Variants in BMPR1B observed in about 807,000 individuals in gnomAD.
BMPR1B encodes bone morphogenetic protein receptor type 1B.
BMPR1B carries 12 observed loss-of-function variants against 59.1 expected under a neutral mutation model. The ratio of observed to expected loss-of-function variants is 0.20; its 90% CI spans 0.13 to 0.33. The LOEUF (loss-of-function observed/expected upper bound fraction) is 0.33. Among genes scored for constraint, BMPR1B ranks in the 10% least tolerant of loss-of-function variants. BMPR1B has a pLI of 1.00. For missense variants in BMPR1B, 550 were observed against 610.9 expected (o/e 0.90, Z 1.05); for synonymous variants, 237 against 207.3 (o/e 1.14, Z -1.23).
Position 95,156,377 on chromosome 4 carries a change from C to T in BMPR1B, c.*1704C>T, listed in dbSNP as rs563721806. ...TACTCCAGGGGGCAGTGTTTTATAACACATTTTCCCCACTGGGTGATTGAA... is the reference window on the plus strand; with the variant it reads ...TACTCCAGGGGGCAGTGTTTTATAATACATTTTCCCCACTGGGTGATTGAA... On this transcript the variant is annotated 3_prime_UTR_variant, in exon 13 of 13. Transcript: ENST00000515059. 11 of 149,584 alleles carry T rather than the reference C, an allele frequency of 7.4e-5. No homozygotes were observed. Among genetic ancestry groups the T allele is most frequent in the Admixed American group, 2.0e-4 (3 of 14,978 alleles). 9.3% of individuals were successfully genotyped at this position (149,584 alleles called of 1,614,324 possible). A position where few individuals can be genotyped will look rare whatever the true frequency, so the allele number is the denominator to read the frequency against.
chr4:94,879,363 G>C (rs1726868234), intron 2 of BMPR1B, among the ~76,000 whole-genome samples: 1 of 152,198 alleles, frequency 6.6e-6, no homozygotes, highest in African/African-American at 2.4e-5. Context: ...TTCTTTGGGA[G>C]GTCAAGGCAG....
chr4:94,765,368 G>A (rs1412804307), intron 1 of BMPR1B, among the ~76,000 whole-genome samples: 3 of 152,066 alleles, frequency 2.0e-5, no homozygotes, highest in African/African-American at 7.2e-5. Context: ...CTACATCAAT[G>A]TATGCATTCT....
chr4:94,951,113 A>G (rs1293894770), intron 2 of BMPR1B, among the ~76,000 whole-genome samples: 4 of 152,174 alleles, frequency 2.6e-5, no homozygotes, highest in Admixed American at 6.5e-5. Flanking sequence ...TGATTATTGC[A>G]TATTAATTTT....
At chr4:95,074,616 C>T (rs974519926) in intron 3 of BMPR1B, among the ~76,000 whole-genome samples, 1 of 152,018 alleles carries the variant, frequency 6.6e-6, no homozygotes, top group East Asian at 1.9e-4. Context: ...TCTCTTGGTT[C>T]TAATATGATA....
intron 3 of BMPR1B, among the ~76,000 whole-genome samples, chr4:94,999,915 G>A (rs926134216): frequency 1.3e-5 from 2 of 152,158 alleles, no homozygotes; most frequent in Non-Finnish European, 2.9e-5. Context: ...TAGAAATGTT[G>A]AAAGAGAAGG....
At chr4:94,792,469 A>G (rs1723021308) in intron 1 of BMPR1B, among the ~76,000 whole-genome samples, 2 of 152,006 alleles carry the variant, frequency 1.3e-5, no homozygotes, top group African/African-American at 2.4e-5. Flanking sequence ...TCCAGATTAC[A>G]ACATAACACA....
intron 2 of BMPR1B, among the ~76,000 whole-genome samples, chr4:94,918,071 T>G (rs1444932): frequency 0.14 from 21,100 of 152,022 alleles, 1,672 homozygotes; most frequent in South Asian, 0.19. Flanking sequence ...CTAGAAGCCT[T>G]TCAGATGCCA....
chr4:94,989,618 T>C (rs1299664017), intron 2 of BMPR1B, among the ~76,000 whole-genome samples: 2 of 152,176 alleles, frequency 1.3e-5, no homozygotes, highest in Non-Finnish European at 2.9e-5. Context: ...AATTGAATTT[T>C]TTTCCCAAAG....
At chr4:95,138,762 T>A (rs551014593) in intron 10 of BMPR1B, among the ~76,000 whole-genome samples, 2 of 152,360 alleles carry the variant, frequency 1.3e-5, no homozygotes, top group South Asian at 4.1e-4. Flanking sequence ...CTCCATCAAG[T>A]CATTTAAGAT....
At chr4:94,948,088 G>A (rs1410210403) in intron 2 of BMPR1B, among the ~76,000 whole-genome samples, 1 of 152,202 alleles carries the variant, frequency 6.6e-6, no homozygotes, top group Non-Finnish European at 1.5e-5. Context: ...ATCAGACAGG[G>A]TGGAGACAAG....
rs574305430 is a variant in BMPR1B, at chr4:94,787,804, A to G, written c.-183+29736A>G. On this transcript the variant is annotated intron_variant, in intron 1 of 12. Coordinates refer to ENST00000515059, the MANE Select transcript of BMPR1B (RefSeq NM_001203.3). ...ATATTTTTTCTTTCTTGCAATATCA[A>G]TGTGGTAACCCACACAGTATTTCCT... is the stretch of plus-strand genomic sequence containing the variant. 6.2e-4 allele frequency among the ~76,000 whole-genome samples: 64 copies of G among 103,952 alleles called. No homozygotes were observed. In the East Asian group the frequency reaches 0.012, roughly 20 times the overall value. 68.2% of individuals were successfully genotyped at this position (103,952 alleles called of 152,430 possible). A position where few individuals can be genotyped will look rare whatever the true frequency, so the allele number is the denominator to read the frequency against.
intron 3 of BMPR1B, among the ~76,000 whole-genome samples, chr4:95,047,574 C>T (rs1033708773): frequency 6.6e-6 from 1 of 152,126 alleles, no homozygotes; most frequent in South Asian, 2.1e-4. Flanking sequence ...GGAGTGTTTG[C>T]CAGTTATTCC....
intron 1 of BMPR1B, among the ~76,000 whole-genome samples, chr4:94,846,592 T>C (rs1022435315): frequency 3.3e-5 from 5 of 152,148 alleles, no homozygotes; most frequent in Admixed American, 2.0e-4. Flanking sequence ...TCCAAGTTCT[T>C]CAGTTTTGGG....
At chr4:94,944,618 A>G (rs1560560189) in intron 2 of BMPR1B, among the ~76,000 whole-genome samples, 1 of 152,302 alleles carries the variant, frequency 6.6e-6, no homozygotes, top group East Asian at 1.9e-4. Context: ...TCTGTGGTTC[A>G]TATAGGGTGT....
At chr4:95,007,502 A>G (rs972147310) in intron 3 of BMPR1B, among the ~76,000 whole-genome samples, 7 of 152,196 alleles carry the variant, frequency 4.6e-5, no homozygotes, top group Non-Finnish European at 8.8e-5. Context: ...AAGCTATGGA[A>G]AAAATAACCT....
At chr4:94,842,604 G>T (rs1181232515) in intron 1 of BMPR1B, among the ~76,000 whole-genome samples, 1 of 151,984 alleles carries the variant, frequency 6.6e-6, no homozygotes, top group Non-Finnish European at 1.5e-5. Context: ...TGCCCAGGCT[G>T]GAATGCAGTG....
intron 3 of BMPR1B, among the ~76,000 whole-genome samples, chr4:95,024,764 G>A (rs1724235922): frequency 6.6e-6 from 1 of 152,084 alleles, no homozygotes; most frequent in South Asian, 2.1e-4. Flanking sequence ...AAAAAAGTTG[G>A]TAGTTACTTT....
chr4:95,097,877 A>C (rs941117396), intron 3 of BMPR1B, among the ~76,000 whole-genome samples: 8 of 152,164 alleles, frequency 5.3e-5, no homozygotes, highest in Admixed American at 3.9e-4. Context: ...ATTTTACTCT[A>C]TTGATTTAGT....
chr4:95,077,774 A>G (rs1044364404), intron 3 of BMPR1B, among the ~76,000 whole-genome samples: 11 of 152,318 alleles, frequency 7.2e-5, no homozygotes, highest in Middle Eastern at 6.8e-3. Context: ...ATGTTATAGA[A>G]TGTGTGTGTC....
Sources: allele counts gnomAD v4.1 joint callset (sites outside exome capture counted in the v4.1 genomes callset), GRCh38; gene constraint gnomAD v4.1.1; transcripts MANE v1.5; gene names NCBI Gene and HGNC (gene_info 2026-07-23, HGNC 2026-07-21).